LCN12: variants seen among roughly 807,000 people sequenced by gnomAD.
LCN12 encodes the protein lipocalin 12, also known as epididymal-specific lipocalin-12.
Under a neutral mutation model 23.7 loss-of-function variants are expected in LCN12, and 15 were observed. The ratio of observed to expected loss-of-function variants is 0.63; its 90% CI spans 0.42 to 0.97. The LOEUF (loss-of-function observed/expected upper bound fraction) is 0.97, where lower values mean the gene tolerates loss of function less well. Ranked by LOEUF, LCN12 falls within the 50% of genes least tolerant of loss-of-function variation. The pLI, the probability that LCN12 is intolerant of heterozygous loss-of-function variation, is 0.00. For synonymous variants in LCN12, 116 were observed against 111.5 expected (o/e 1.04, Z -0.25); for missense variants, 219 against 249.6 (o/e 0.88, Z 0.83).
chr9:136,954,592 CTCCTG>C (rs961687805), intron 5 of LCN12: 1 of 552,256 alleles, frequency 1.8e-6, no homozygotes, highest in African/African-American at 2.0e-5. Flanking sequence ...CACCCCGGGT[CTCCTG>C]TCCTGGGCTA....
intron 2 of LCN12, 134 bp downstream of exon 2, chr9:136,953,162 A>C: frequency 8.0e-7 from 1 of 1,243,526 alleles, no homozygotes; most frequent in Non-Finnish European, 1.1e-6. Flanking sequence ...CCAATGACCA[A>C]ACCCAGCTGG....
chr9:136,956,271 C>T (rs975442342), downstream of LCN12, among the ~76,000 whole-genome samples: 8 of 152,058 alleles, frequency 5.3e-5, no homozygotes, highest in Non-Finnish European at 1.0e-4. Context: ...AAAGAGCATC[C>T]AGAGACCCCC....
intron 2 of LCN12, chr9:136,953,370 CCGGGCGCGG>C (rs2131376662): frequency 4.3e-5 from 4 of 93,554 alleles, no homozygotes; most frequent in South Asian, 1.3e-4. Flanking sequence ...ACTTTGGGGG[CCGGGCGCGG>C]TCGCGCACAC....
rs1851177519 is a variant in LCN12, at chr9:136,952,390, C to T, written c.63C>T (p.Thr21=). 24 of 1,612,154 alleles carry T rather than the reference C, an allele frequency of 1.5e-5. No homozygotes were observed. Among genetic ancestry groups the T allele is most frequent in the Non-Finnish European group, 1.9e-5 (23 of 1,179,536 alleles). The stretch of plus-strand genomic sequence containing the variant: ...TGCTGAAAGTCCTGCAGGCCCAGAC[C>T]CCAACCCCCCTGCCACTCCCGCCCC... The part of the protein sequence containing the change: ...LSLLKVLQAQ[T]PTPLPLPPPM... The change falls in exon 1 of 6, where the codon ACC becomes ACT. Residue 21 remains threonine (T), a synonymous_variant. Coordinates refer to ENST00000371633, the MANE Select transcript of LCN12 (RefSeq NM_178536.4).
chr9:136,955,000 C>T (rs1798191859), intron 5 of LCN12: 2 of 1,349,598 alleles, frequency 1.5e-6, no homozygotes, highest in East Asian at 3.1e-5. Context: ...ACGCCACTCA[C>T]ACTGGCACAC....
At chr9:136,952,520 G>C in intron 1 of LCN12, 79 bp downstream of exon 1, 1 of 1,041,014 alleles carries the variant, frequency 9.6e-7, no homozygotes, top group East Asian at 2.6e-5. Context: ...GCAGGCCTGG[G>C]GATGCTGCCC....
In LCN12 at chr9:136,952,984, G is replaced by T; in HGVS notation, c.207G>T (p.Glu69Asp). 1.2e-6 allele frequency: 2 copies of T among 1,614,084 alleles called. No individual in the cohort carries two copies. The highest frequency in any genetic ancestry group is 2.2e-5 in the South Asian group (2 of 91,084). Residue 69 changes from glutamate (E) to aspartate (D), a missense_variant, in exon 2 of 6, where the codon GAG (glutamate) becomes GAT (aspartate). Glu to Asp is a conservative substitution (Grantham distance 45). Coordinates refer to ENST00000371633, the MANE Select transcript of LCN12 (RefSeq NM_178536.4). ...ALLNAFTATFELSDDGRFEVW... is the reference protein window; with the variant it reads ...ALLNAFTATFDLSDDGRFEVW... ...TGAACGCTTTCACCGCAACTTTTGAGCTAAGTGATGATGGCCGCTTTGAGG... is the reference window on the plus strand; with the variant it reads ...TGAACGCTTTCACCGCAACTTTTGATCTAAGTGATGATGGCCGCTTTGAGG...
intron 5 of LCN12, 126 bp downstream of exon 5, chr9:136,954,381 G>T: frequency 9.2e-7 from 1 of 1,088,074 alleles, no homozygotes; most frequent in South Asian, 1.3e-5. Flanking sequence ...CTGCGCTCAG[G>T]GGTCTCCAGG....
rs1261412208 is a variant in LCN12, at chr9:136,952,398, C to G, written c.71C>G (p.Pro24Arg). 1.2e-6 allele frequency: 2 copies of G among 1,613,254 alleles called. No individual in the cohort carries two copies. The highest frequency in any genetic ancestry group is 1.7e-6 in the Non-Finnish European group (2 of 1,179,650). ...LKVLQAQTPT[P>R]LPLPPPMQSF... ...GTCCTGCAGGCCCAGACCCCAACCCCCCTGCCACTCCCGCCCCCGATGCAG... is the reference window on the plus strand; with the variant it reads ...GTCCTGCAGGCCCAGACCCCAACCCGCCTGCCACTCCCGCCCCCGATGCAG... Residue 24 changes from proline (P) to arginine (R), a missense_variant, in exon 1 of 6, where the codon CCC (proline) becomes CGC (arginine). Coordinates refer to ENST00000371633, the MANE Select transcript of LCN12 (RefSeq NM_178536.4).
At chr9:136,953,494 A>G in intron 2 of LCN12, 1 of 563,372 alleles carries the variant, frequency 1.8e-6, no homozygotes, top group South Asian at 2.1e-5. Flanking sequence ...CCAGTACTTC[A>G]GGAGGCAGAG....
intron 5 of LCN12, chr9:136,954,650 C>T (rs1211093577): frequency 8.6e-7 from 1 of 1,167,944 alleles, no homozygotes. Flanking sequence ...CATCTCCTCC[C>T]TCTGGGTCCC....
upstream of LCN12, among the ~76,000 whole-genome samples, chr9:136,950,254 A>T (rs984713008): frequency 1.3e-5 from 2 of 152,192 alleles, no homozygotes; most frequent in Non-Finnish European, 2.9e-5. Flanking sequence ...AGGCTCCTGC[A>T]GGGGACGTGG....
upstream of LCN12, among the ~76,000 whole-genome samples, chr9:136,950,039 C>T (rs1464115189): frequency 6.6e-6 from 1 of 152,174 alleles, no homozygotes; most frequent in Non-Finnish European, 1.5e-5. Context: ...CCCCCGGGAG[C>T]CCCGCAGGTG....
In LCN12 at chr9:136,953,756, A is replaced by G. The variant is rs986122252; in HGVS notation, c.308A>G (p.Gln103Arg). The change falls in exon 3 of 6, where the codon CAG (glutamine) becomes CGG (arginine). Residue 103 changes from glutamine (Q) to arginine (R), a missense_variant. Physicochemically the swap from Gln to Arg is conservative, Grantham distance 43 (BLOSUM62 1). Transcript: ENST00000371633. ...YVLIPAAQPG[Q>R]FTVDHGVEPG... is the part of the protein sequence containing the mutation. ...CTGATACCGGCAGCCCAGCCTGGGC[A>G]GTTCACTGTGGACCACGGTGTGGGT... The G allele has an allele frequency of 3.1e-6, 5 of 1,606,474 alleles. No homozygotes were observed. The highest frequency in any genetic ancestry group is 4.2e-6 in the Non-Finnish European group (5 of 1,176,888).
chr9:136,953,114 G>GC, intron 2 of LCN12, 86 bp downstream of exon 2: 1 of 1,559,986 alleles, frequency 6.4e-7, no homozygotes, highest in South Asian at 1.1e-5. Context: ...TGCGCCATGG[G>GC]CCCTGTCCCA....
chr9:136,955,511 AC>A, downstream of LCN12: 1 of 1,176,370 alleles, frequency 8.5e-7, no homozygotes, highest in Non-Finnish European at 1.2e-6. Context: ...CCAGAGTGTG[AC>A]CACTATGACC....
chr9:136,955,069 C>T, intron 5 of LCN12: 2 of 1,406,174 alleles, frequency 1.4e-6, no homozygotes, highest in South Asian at 1.5e-5. Context: ...CACACACCTG[C>T]ACACTCGCTA....
chr9:136,950,072 G>C (rs901619204), upstream of LCN12, among the ~76,000 whole-genome samples: 2 of 150,938 alleles, frequency 1.3e-5, no homozygotes, highest in South Asian at 4.3e-4. Context: ...CGTCCTGCAC[G>C]GCCCGTTCCA....
chr9:136,954,648 C>T (rs1435564814), intron 5 of LCN12: 2 of 1,145,330 alleles, frequency 1.7e-6, no homozygotes, highest in South Asian at 1.3e-5. Context: ...GCCATCTCCT[C>T]CCTCTGGGTC....
Sources: gnomAD v4.1 joint callset for allele counts (sites outside exome capture counted in the v4.1 genomes callset) on GRCh38, gnomAD v4.1.1 for gene constraint, MANE v1.5 for transcripts, NCBI Gene and HGNC (gene_info 2026-07-23, HGNC 2026-07-21) for gene names.